Variants in DNAJC10 observed in about 807,000 individuals in gnomAD.
The protein encoded by DNAJC10 is endoplasmic reticulum disulfide reductase DNAJC10.
In DNAJC10, 101 loss-of-function variants were observed where a neutral mutation model predicts 115.0. The ratio of observed to expected loss-of-function variants is 0.88; its 90% confidence interval spans 0.75 to 1.04. DNAJC10 has a LOEUF of 1.04. DNAJC10 is among the 50% of genes least tolerant of loss of function. The pLI is 0.00. For synonymous variants in DNAJC10, 307 were observed against 301.5 expected, an observed-to-expected ratio of 1.02 and a Z score of -0.19; for missense variants, 981 against 928.8, an observed-to-expected ratio of 1.06 and a Z score of -0.73.
In DNAJC10 at chr2:182,775,203, C is replaced by T. The variant is rs931139038; in HGVS notation, c.2266-113C>T. The stretch of plus-strand genomic sequence containing the variant: ...GAAGAGAATAAATTTGAATTTCAAA[C>T]ACTTCAAGTTTTGGAACAAAAGAAC... On this transcript the variant is annotated intron_variant, in intron 22 of 23. Transcript: ENST00000264065. 1.2e-5 allele frequency: 8 copies of T among 650,312 alleles called. No homozygotes were observed. In the African/African-American group the frequency reaches 1.5e-4, roughly 12 times the overall value. The allele number at this position is 650,312 out of a possible 1,614,324, so 40.3% of individuals were successfully genotyped here.
intron 18 of DNAJC10, among the ~76,000 whole-genome samples, chr2:182,756,799 T>G (rs1449993698): frequency 6.6e-6 from 1 of 152,178 alleles, no homozygotes; most frequent in East Asian, 1.9e-4. Context: ...CCACCACGCC[T>G]AGCTAATTTT....
chr2:182,722,712 A>G (rs1693183095), intron 5 of DNAJC10, among the ~76,000 whole-genome samples: 1 of 152,124 alleles, frequency 6.6e-6, no homozygotes, highest in Admixed American at 6.6e-5. Context: ...AGGCCAAGGC[A>G]GGCAGATCGC....
Position 182,739,473 on chromosome 2 carries a change from T to G in DNAJC10, c.988-826T>G, listed in dbSNP as rs756509964. On this transcript the variant is annotated intron_variant, in intron 11 of 23. Coordinates refer to ENST00000264065, the MANE Select transcript of DNAJC10 (RefSeq NM_018981.4). Reference sequence around the variant, plus strand: ...GATGGTTCATAATTAAAGACATATATTAAACTCTGTTTTGTCAACTTTCAT... The same window carrying G: ...GATGGTTCATAATTAAAGACATATAGTAAACTCTGTTTTGTCAACTTTCAT... 2.1e-5 allele frequency: 23 copies of G among 1,091,220 alleles called. No homozygotes were observed. The South Asian group carries it at 4.3e-4, about 20-fold the overall frequency. The allele number at this position is 1,091,220 out of a possible 1,614,324, so 67.6% of individuals were successfully genotyped here.
intron 21 of DNAJC10, among the ~76,000 whole-genome samples, chr2:182,761,000 A>C (rs1467013194): frequency 6.6e-6 from 1 of 152,158 alleles, no homozygotes; most frequent in Non-Finnish European, 1.5e-5. Flanking sequence ...GAAAATTATT[A>C]AACATGAAAA....
intron 5 of DNAJC10, among the ~76,000 whole-genome samples, chr2:182,727,690 AC>A (rs1693326768): frequency 1.3e-5 from 2 of 152,212 alleles, no homozygotes; most frequent in South Asian, 4.1e-4. Flanking sequence ...TATTTAGAAT[AC>A]CATGTGTGAT....
chr2:182,777,099 C>G (rs746965580), intron 23 of DNAJC10, 22 bp from the exon 24 acceptor site: 1 of 1,371,348 alleles, frequency 7.3e-7, no homozygotes, highest in South Asian at 1.7e-5. Context: ...CTTTCTCTAT[C>G]GCCTTTACAT....
intron 22 of DNAJC10, among the ~76,000 whole-genome samples, chr2:182,772,367 A>T (rs1466597836): frequency 6.6e-6 from 1 of 152,160 alleles, no homozygotes; most frequent in Non-Finnish European, 1.5e-5. Context: ...CAAGTCCTGG[A>T]TATCCTTCTT....
Position 182,751,641 on chromosome 2 carries a change from C to A in DNAJC10, c.1307-17C>A, listed in dbSNP as rs1694021070. The A allele has an allele frequency of 6.2e-7, 1 of 1,606,222 alleles. No individual in the cohort carries two copies. The highest frequency in any genetic ancestry group is 2.2e-5 in the East Asian group (1 of 44,822). On this transcript the variant is annotated splice_polypyrimidine_tract_variant and intron_variant, in intron 14 of 23. Coordinates refer to ENST00000264065, the MANE Select transcript of DNAJC10 (RefSeq NM_018981.4). ...AAGCAGAATTTGGATTTGAATTTCT[C>A]TCATTCACTTTGAAAGGAAAGAAGA... is the stretch of plus-strand genomic sequence containing the variant.
intron 23 of DNAJC10, among the ~76,000 whole-genome samples, chr2:182,776,787 G>GTAAC (rs1355153553): frequency 6.6e-6 from 1 of 152,070 alleles, no homozygotes; most frequent in East Asian, 1.9e-4. Context: ...TTTGAAAGGT[G>GTAAC]TAACTTTTAT....
chr2:182,741,476 T>A (rs1234583176), intron 13 of DNAJC10, 120 bp downstream of exon 13: 1 of 501,460 alleles, frequency 2.0e-6, no homozygotes, highest in African/African-American at 2.0e-5. Context: ...AGCCTATAAG[T>A]GCTTTTAGTC....
At chr2:182,720,497 C>T (rs953926198) in intron 4 of DNAJC10, among the ~76,000 whole-genome samples, 4 of 152,042 alleles carry the variant, frequency 2.6e-5, no homozygotes, top group African/African-American at 9.7e-5. Context: ...ATTATAATAC[C>T]ATATTTTTAC....
chr2:182,742,148 A>G (rs1395130717), intron 13 of DNAJC10, among the ~76,000 whole-genome samples: 1 of 152,018 alleles, frequency 6.6e-6, no homozygotes, highest in Non-Finnish European at 1.5e-5. Flanking sequence ...TTTATTTTTT[A>G]TATCAAACGA....
In DNAJC10 at chr2:182,718,117, A is replaced by G; in HGVS notation, c.31A>G (p.Ile11Val). ...AGTCTGGTTAAATAAAGATGACTAT[A>G]TCAGAGACTTGAAAAGGATCATTCT... Reference protein sequence around the residue: MGVWLNKDDYIRDLKRIILCF... With the variant: MGVWLNKDDYVRDLKRIILCF... Residue 11 changes from isoleucine to valine, a missense_variant, in exon 3 of 24, where the codon ATC becomes GTC. Physicochemically the swap from Ile to Val is conservative, Grantham distance 29. Coordinates refer to ENST00000264065, the MANE Select transcript of DNAJC10 (RefSeq NM_018981.4). 1.2e-6 allele frequency: 2 copies of G among 1,611,862 alleles called. No homozygotes were observed. Among genetic ancestry groups the G allele is most frequent in the East Asian group, 2.2e-5 (1 of 44,752 alleles).
Position 182,760,051 on chromosome 2 carries a change from A to C in DNAJC10, c.2145+744A>C, listed in dbSNP as rs186996742. ...TGACTTACTAAGTTTCTTAATATGC[A>C]TACATTGACTTCAGGTGTCTGATAT... On this transcript the variant is annotated intron_variant, in intron 21 of 23. Coordinates refer to ENST00000264065, the MANE Select transcript of DNAJC10 (RefSeq NM_018981.4). Among the ~76,000 whole-genome samples, 410 of 152,294 alleles carry C rather than the reference A, an allele frequency of 2.7e-3. 2 individuals are homozygous for C. The highest frequency in any genetic ancestry group is 5.1e-3 in the Non-Finnish European group (345 of 68,028).
At chr2:182,754,718 C>T (rs947208621) in intron 16 of DNAJC10, 2 of 1,107,206 alleles carry the variant, frequency 1.8e-6, no homozygotes, top group African/African-American at 1.6e-5. Flanking sequence ...TAAAAAGGGA[C>T]CATTCGTATA....
chr2:182,752,507 AT>A, intron 16 of DNAJC10: 2 of 588,792 alleles, frequency 3.4e-6, no homozygotes, highest in Non-Finnish European at 4.3e-6. Flanking sequence ...TATTTTTGAC[AT>A]TTTATAATTT....
chr2:182,716,692 CTT>C (rs1360891151), intron 1 of DNAJC10, among the ~76,000 whole-genome samples: 3 of 152,230 alleles, frequency 2.0e-5, no homozygotes, highest in Non-Finnish European at 2.9e-5. Flanking sequence ...GTTACTTACA[CTT>C]TCTCCCTAAG....
intron 14 of DNAJC10, among the ~76,000 whole-genome samples, chr2:182,749,837 T>C (rs1693970375): frequency 1.3e-5 from 2 of 152,140 alleles, no homozygotes; most frequent in Non-Finnish European, 2.9e-5. Context: ...AAAATTTAGC[T>C]GGGTAGTTCC....
intron 7 of DNAJC10, 32 bp downstream of exon 7, chr2:182,729,026 G>A (rs754594296): frequency 6.2e-7 from 1 of 1,606,086 alleles, no homozygotes; most frequent in South Asian, 1.1e-5. Flanking sequence ...TTTTAAATTT[G>A]TGAAACATTA....
Sources: gnomAD v4.1 joint callset for allele counts (sites outside exome capture counted in the v4.1 genomes callset) on GRCh38, gnomAD v4.1.1 for gene constraint, MANE v1.5 for transcripts, NCBI Gene and HGNC (gene_info 2026-07-23, HGNC 2026-07-21) for gene names.